Variants in UNC13C observed in about 807,000 individuals in gnomAD.
UNC13C encodes the protein protein unc-13 homolog C.
A neutral mutation model predicts 245.4 loss-of-function variants in UNC13C; 174 were observed. That is an observed-to-expected ratio of 0.71 (90% CI 0.63 to 0.80). UNC13C has a LOEUF of 0.80. Among genes scored for constraint, UNC13C ranks in the 30% least tolerant of loss-of-function variants. UNC13C has a pLI of 0.00. For synonymous variants in UNC13C, 992 were observed against 895.1 expected, an observed-to-expected ratio of 1.11 and a Z score of -1.93; for missense variants, 2,829 against 2,602.9, an observed-to-expected ratio of 1.09 and a Z score of -1.89.
chr15:54,270,520 T>C (rs1475562492), intron 10 of UNC13C, among the ~76,000 whole-genome samples: 1 of 152,174 alleles, frequency 6.6e-6, no homozygotes, highest in Admixed American at 6.5e-5. Context: ...AAATGATAGC[T>C]GTATTATTAT....
intron 2 of UNC13C, among the ~76,000 whole-genome samples, chr15:54,124,580 C>T (rs1399397526): frequency 3.3e-5 from 5 of 151,960 alleles, no homozygotes; most frequent in Non-Finnish European, 2.9e-5. Context: ...CAGTTCATTG[C>T]TTGTCTTTTT....
At chr15:53,907,991 T>G in the UNC13C span, among the ~76,000 whole-genome samples, 2 of 147,182 alleles carry the variant, frequency 1.4e-5, 1 homozygote. Flanking sequence ...TAAATACATG[T>G]ATCTTGAAGT....
chr15:54,630,420 C>A (rs776132497), downstream of UNC13C: 1 of 152,134 alleles, frequency 6.6e-6, no homozygotes, highest in Non-Finnish European at 1.5e-5. Context: ...AAGATTTTCT[C>A]CTTTTAATTT....
chr15:54,591,423 C>A (rs1898784432), intron 30 of UNC13C, among the ~76,000 whole-genome samples: 1 of 151,968 alleles, frequency 6.6e-6, no homozygotes, highest in African/African-American at 2.4e-5. Context: ...TGGTCCTGGA[C>A]TTTTTTTGTT....
At chr15:53,956,499 A>G in the UNC13C span, among the ~76,000 whole-genome samples, 1 of 151,000 alleles carries the variant, frequency 6.6e-6, no homozygotes, top group African/African-American at 2.4e-5. Flanking sequence ...TTATGTAATC[A>G]GGTCTTAGAT....
chr15:54,400,212 T>C lies in UNC13C; in HGVS notation c.4847+7031T>C, dbSNP rs532361435. On this transcript the variant is annotated intron_variant, in intron 18 of 32. Coordinates refer to ENST00000260323, the MANE Select transcript of UNC13C (RefSeq NM_001080534.3). Reference sequence around the variant, plus strand: ...AACATTAACGGTAAGGCCCTGGTATTGTGTAATCCCTATTCCATAATCAAA... The same window carrying C: ...AACATTAACGGTAAGGCCCTGGTATCGTGTAATCCCTATTCCATAATCAAA... 7.9e-5 allele frequency among the ~76,000 whole-genome samples: 12 copies of C among 152,130 alleles called. No individual in the cohort carries two copies. In the East Asian group the frequency reaches 2.3e-3, roughly 29 times the overall value.
At position 54,136,063 on chromosome 15, in the gene UNC13C, A is replaced by G. The variant is rs543366766; in HGVS notation, c.2984-6955A>G. On this transcript the variant is annotated intron_variant, in intron 2 of 32. Transcript: ENST00000260323. Reference sequence around the variant, plus strand: ...TTTTCAGTGTAGTCTTATAGTTTCCAGTGTACAGATCTTTCACCTCCTTCG... The same window carrying G: ...TTTTCAGTGTAGTCTTATAGTTTCCGGTGTACAGATCTTTCACCTCCTTCG... Among the ~76,000 whole-genome samples, 7 of 152,304 alleles carry G rather than the reference A, an allele frequency of 4.6e-5. No homozygotes were observed. In the East Asian group the frequency reaches 5.8e-4, roughly 13 times the overall value.
At chr15:54,164,360 T>A (rs556723868) in intron 4 of UNC13C, among the ~76,000 whole-genome samples, 7 of 152,192 alleles carry the variant, frequency 4.6e-5, no homozygotes, top group Non-Finnish European at 1.0e-4. Context: ...TGTAATAAAT[T>A]GTATATAACG....
chr15:53,983,275 A>G (rs1350653178), intron 1 of UNC13C, among the ~76,000 whole-genome samples: 3 of 152,096 alleles, frequency 2.0e-5, no homozygotes, highest in African/African-American at 7.2e-5. Flanking sequence ...TTACTGGAAT[A>G]GATTGACTCT....
the UNC13C span, among the ~76,000 whole-genome samples, chr15:53,886,147 G>T: frequency 6.6e-6 from 1 of 152,080 alleles, no homozygotes; most frequent in South Asian, 2.1e-4. Context: ...ATTTCTATTG[G>T]TATATATAAG....
rs138958824 is a variant in UNC13C, at chr15:54,459,252, G to C, written c.4934-35356G>C. Reference sequence around the variant, plus strand: ...TTCTGACTTGCAGTTTTTCTGCTGAGAAATATACCGTTAATCTGAAATCTA... The same window carrying C: ...TTCTGACTTGCAGTTTTTCTGCTGACAAATATACCGTTAATCTGAAATCTA... On this transcript the variant is annotated intron_variant, in intron 19 of 32. Transcript: ENST00000260323. 3.4e-4 allele frequency among the ~76,000 whole-genome samples: 52 copies of C among 152,300 alleles called. No homozygotes were observed. In the East Asian group the frequency reaches 9.3e-3, roughly 27 times the overall value.
intron 2 of UNC13C, among the ~76,000 whole-genome samples, chr15:54,116,469 C>A (rs1159482953): frequency 6.6e-6 from 1 of 152,172 alleles, no homozygotes. Flanking sequence ...CACCAATGTA[C>A]TGGCTACCTT....
At chr15:54,067,178 G>T (rs1213784879) in intron 2 of UNC13C, among the ~76,000 whole-genome samples, 1 of 152,026 alleles carries the variant, frequency 6.6e-6, no homozygotes, top group South Asian at 2.1e-4. Context: ...TCCTGAAAGC[G>T]AAGTTGCCTC....
the UNC13C span, among the ~76,000 whole-genome samples, chr15:53,941,819 T>A: frequency 6.6e-6 from 1 of 152,196 alleles, no homozygotes; most frequent in Non-Finnish European, 1.5e-5. Flanking sequence ...TCAACATCTC[T>A]GATCATTAAA....
intron 1 of UNC13C, among the ~76,000 whole-genome samples, chr15:54,008,116 T>C (rs1437353542): frequency 6.6e-6 from 1 of 152,230 alleles, no homozygotes; most frequent in Non-Finnish European, 1.5e-5. Flanking sequence ...TGTTTAAAAG[T>C]TCATTATCTC....
chr15:54,509,568 A>T (rs574477354), intron 23 of UNC13C, among the ~76,000 whole-genome samples: 1 of 152,288 alleles, frequency 6.6e-6, no homozygotes, highest in East Asian at 1.9e-4. Flanking sequence ...TTAGGGAAAA[A>T]ATCAAGATAT....
chr15:54,482,374 A>G lies in UNC13C; in HGVS notation c.4934-12234A>G, dbSNP rs527494703. ...CAGCGTGAACTCCTTCTTTGAATTAATCCAATCAAGTGAACTCGCAGCAGC... is the reference window on the plus strand; with the variant it reads ...CAGCGTGAACTCCTTCTTTGAATTAGTCCAATCAAGTGAACTCGCAGCAGC... On this transcript the variant is annotated intron_variant, in intron 19 of 32. Transcript: ENST00000260323. Among the ~76,000 whole-genome samples the G allele has an allele frequency of 9.2e-5, 14 of 152,252 alleles. No homozygotes were observed. The South Asian group carries it at 2.1e-3, about 23-fold the overall frequency.
chr15:54,529,778 C>A (rs1288149015), intron 25 of UNC13C, among the ~76,000 whole-genome samples: 1 of 152,130 alleles, frequency 6.6e-6, no homozygotes, highest in Admixed American at 6.5e-5. Flanking sequence ...GAATTCCCTC[C>A]TTCTCCTCAT....
intron 2 of UNC13C, among the ~76,000 whole-genome samples, chr15:54,096,325 C>T (rs972004554): frequency 9.4e-5 from 6 of 63,670 alleles, no homozygotes; most frequent in African/African-American, 4.2e-4. Context: ...TGATGCTGCT[C>T]ATTTCTCTAT....
Sources: gnomAD v4.1 joint callset for allele counts (sites outside exome capture counted in the v4.1 genomes callset) on GRCh38, gnomAD v4.1.1 for gene constraint, MANE v1.5 for transcripts, NCBI Gene and HGNC (gene_info 2026-07-23, HGNC 2026-07-21) for gene names.